The following SLC25A53 variants were observed in gnomAD, a reference collection of about 807,000 sequenced individuals.
SLC25A53 encodes the protein mitochondrial carrier triple repeat protein 6.
SLC25A53 carries 5 observed loss-of-function variants against 15.0 expected under a neutral mutation model. The observed-to-expected ratio is 0.33, with a 90% CI of 0.17 to 0.70. SLC25A53 has a LOEUF of 0.70. Ranked by LOEUF, SLC25A53 falls within the 30% of genes least tolerant of loss-of-function variation. The probability of loss-of-function intolerance (pLI) is 0.67; values close to 1 mark genes in which losing one functional copy is unlikely to be tolerated. For missense variants in SLC25A53, 216 were observed against 241.6 expected (o/e 0.89, Z 0.70); for synonymous variants, 95 against 100.0 (o/e 0.95, Z 0.30).
intron 1 of SLC25A53, chrX:104,131,200 GCAGT>G (rs2075424887): frequency 8.9e-6 from 1 of 112,129 alleles, no homozygotes; most frequent in Non-Finnish European, 1.9e-5. Context: ...CTCCAGCAGG[GCAGT>G]CAGACTTCTT....
At chrX:104,130,697 A>G (rs1485891101) in intron 1 of SLC25A53, 1 of 109,860 alleles carries the variant, frequency 9.1e-6, no homozygotes, top group Non-Finnish European at 1.9e-5. Context: ...TCTCTCCCCT[A>G]TCTTCAACAT....
intron 1 of SLC25A53, among the ~76,000 whole-genome samples, chrX:104,120,003 GC>G (rs2075388603): frequency 9.0e-6 from 1 of 111,599 alleles, no homozygotes; most frequent in South Asian, 3.7e-4. Flanking sequence ...CCAGCTCATT[GC>G]CCTTACAATT....
chrX:104,139,004 G>C (rs1185842148), intron 1 of SLC25A53, among the ~76,000 whole-genome samples: 2 of 112,209 alleles, frequency 1.8e-5, no homozygotes, highest in African/African-American at 6.5e-5. Context: ...GCAACATTTG[G>C]GCAGGAAAAC....
intron 1 of SLC25A53, among the ~76,000 whole-genome samples, chrX:104,142,386 C>G (rs1037810475): frequency 4.0e-4 from 45 of 112,102 alleles, no homozygotes; most frequent in African/African-American, 1.4e-3. Flanking sequence ...GTACTATTAC[C>G]AAGGAAGATT....
intron 1 of SLC25A53, among the ~76,000 whole-genome samples, chrX:104,117,640 A>T (rs1211305321): frequency 9.1e-6 from 1 of 110,249 alleles, no homozygotes; most frequent in Non-Finnish European, 1.9e-5. Context: ...CCCCAAAGCC[A>T]CAGGGTCCCC....
chrX:104,129,603 C>G (rs1357985094), intron 1 of SLC25A53, among the ~76,000 whole-genome samples: 1 of 110,579 alleles, frequency 9.0e-6, no homozygotes, highest in Non-Finnish European at 1.9e-5. Flanking sequence ...TGCCTGACAA[C>G]TAAATTGTTT....
At chrX:104,115,243 A>G (rs1556361018) in intron 1 of SLC25A53, 2 of 1,201,044 alleles carry the variant, frequency 1.7e-6, no homozygotes, top group Non-Finnish European at 1.1e-6. Context: ...TCTGATCATC[A>G]CCCTGCAGGA....
intron 1 of SLC25A53, among the ~76,000 whole-genome samples, chrX:104,154,431 C>T (rs2075494334): frequency 8.9e-6 from 1 of 111,796 alleles, no homozygotes; most frequent in African/African-American, 3.2e-5. Flanking sequence ...GGAGGTTCCT[C>T]AAAAAACTAA....
rs782773142 is a variant in SLC25A53, at chrX:104,100,759, C to T, written c.*3575G>A. 5.2e-4 allele frequency: 58 copies of T among 112,289 alleles called. No individual in the cohort carries two copies. The highest frequency in any genetic ancestry group is 1.7e-3 in the African/African-American group (54 of 30,951). The allele number at this position is 112,289 out of a possible 1,213,427, so 9.3% of individuals were successfully genotyped here. A position where few individuals can be genotyped will look rare whatever the true frequency, so the allele number is the denominator to read the frequency against. ...ATTAGCAATTTAGCTTTAAAATATA[C>T]TCCGAGGGGAAAATACCCAAACTTT... is the stretch of plus-strand genomic sequence containing the variant. On this transcript the variant is annotated 3_prime_UTR_variant, in exon 2 of 2. Transcript: ENST00000594199.
chrX:104,120,033 C>T (rs929475152), intron 1 of SLC25A53, among the ~76,000 whole-genome samples: 2 of 111,896 alleles, frequency 1.8e-5, no homozygotes, highest in African/African-American at 6.5e-5. Context: ...GAGATTCAAC[C>T]TGGTTGCATG....
Position 104,139,441 on chromosome X carries a change from T to C in SLC25A53, c.-32+17437A>G, listed in dbSNP as rs182591401. Among the ~76,000 whole-genome samples the C allele has an allele frequency of 3.6e-5, 4 of 110,260 alleles. No homozygotes were observed. The East Asian group carries it at 1.2e-3, about 32-fold the overall frequency. On this transcript the variant is annotated intron_variant, in intron 1 of 1. Coordinates refer to ENST00000594199, the MANE Select transcript of SLC25A53 (RefSeq NM_001012755.5). The stretch of plus-strand genomic sequence containing the variant: ...CTGAGGTAGGAGAATTGCTAGAACC[T>C]GGGAGGTGGAGGTTGCAGTGAGCCA...
At chrX:104,115,414 GAATT>G (rs1556361103) in intron 1 of SLC25A53, 2 of 873,563 alleles carry the variant, frequency 2.3e-6, no homozygotes, top group Non-Finnish European at 3.1e-6. Context: ...CTAACTGCAT[GAATT>G]AATCCACAAA....
At chrX:104,128,305 ATATT>A (rs781794569) in intron 1 of SLC25A53, among the ~76,000 whole-genome samples, 1 of 112,143 alleles carries the variant, frequency 8.9e-6, no homozygotes, top group African/African-American at 3.2e-5. Flanking sequence ...AGATCTATCA[ATATT>A]TATTATATTA....
intron 1 of SLC25A53, chrX:104,130,836 G>A (rs1185599519): frequency 9.0e-6 from 1 of 111,662 alleles, no homozygotes; most frequent in East Asian, 2.8e-4. Flanking sequence ...CAAGTTTAAC[G>A]GAAATATAAC....
At chrX:104,115,418 T>C (rs1482630777) in intron 1 of SLC25A53, 1 of 857,960 alleles carries the variant, frequency 1.2e-6, no homozygotes, top group African/African-American at 2.1e-5. Flanking sequence ...CTGCATGAAT[T>C]AATCCACAAA....
chrX:104,143,240 CAG>C (rs2075456176), intron 1 of SLC25A53, among the ~76,000 whole-genome samples: 1 of 111,525 alleles, frequency 9.0e-6, no homozygotes, highest in Admixed American at 9.6e-5. Flanking sequence ...GAAAACTGGA[CAG>C]AGAATGAGTT....
chrX:104,110,883 G>A (rs1437610522), intron 1 of SLC25A53, among the ~76,000 whole-genome samples: 1 of 112,506 alleles, frequency 8.9e-6, no homozygotes, highest in Non-Finnish European at 1.9e-5. Flanking sequence ...AGGTTAAATG[G>A]GGTTTTATTT....
chrX:104,143,518 C>T (rs1212931443), intron 1 of SLC25A53, among the ~76,000 whole-genome samples: 1 of 111,448 alleles, frequency 9.0e-6, no homozygotes, highest in African/African-American at 3.3e-5. Context: ...TGAAGATCAA[C>T]TTAATGAAAT....
chrX:104,115,278 A>T, intron 1 of SLC25A53: 1 of 1,186,661 alleles, frequency 8.4e-7, no homozygotes, highest in Non-Finnish European at 1.1e-6. Flanking sequence ...AGGAGAGGTC[A>T]AAAGAGGTCC....
Sources: gnomAD v4.1 joint callset for allele counts (sites outside exome capture counted in the v4.1 genomes callset) on GRCh38, gnomAD v4.1.1 for gene constraint, MANE v1.5 for transcripts, NCBI Gene and HGNC (gene_info 2026-07-23, HGNC 2026-07-21) for gene names.